The following BCL2L1 variants were observed in gnomAD, a reference collection of about 807,000 sequenced individuals.
BCL2L1 encodes BCL2 like 1, also known as bcl-2-like protein 1.
BCL2L1 carries 1 observed loss-of-function variant against 18.7 expected under a neutral mutation model. The ratio of observed to expected loss-of-function variants is 0.05; its 90% CI spans 0.02 to 0.25. The LOEUF (loss-of-function observed/expected upper bound fraction) is 0.25. Ranked by LOEUF, BCL2L1 falls within the 10% of genes least tolerant of loss-of-function variation. BCL2L1 has a pLI of 1.00. For missense variants in BCL2L1, 207 were observed against 304.9 expected (o/e 0.68, Z 2.39); for synonymous variants, 103 against 122.7 (o/e 0.84, Z 1.06).
chr20:31,672,231 G>A (rs1423567945), intron 2 of BCL2L1, among the ~76,000 whole-genome samples: 1 of 151,976 alleles, frequency 6.6e-6, no homozygotes, highest in African/African-American at 2.4e-5. Flanking sequence ...TTGGGAGGCC[G>A]AGGCAGGCAG....
At chr20:31,698,571 C>T (rs1017658040) in intron 2 of BCL2L1, among the ~76,000 whole-genome samples, 1 of 151,844 alleles carries the variant, frequency 6.6e-6, no homozygotes, top group African/African-American at 2.4e-5. Context: ...GACGGTCTCG[C>T]TTTGTCACCT....
chr20:31,683,494 C>T (rs2060898548), intron 2 of BCL2L1, among the ~76,000 whole-genome samples: 1 of 152,150 alleles, frequency 6.6e-6, no homozygotes, highest in Admixed American at 6.6e-5. Context: ...GATGGCCCGG[C>T]GCAGTGGCTC....
At chr20:31,708,746 G>C (rs1287664381) in intron 2 of BCL2L1, among the ~76,000 whole-genome samples, 1 of 152,178 alleles carries the variant, frequency 6.6e-6, no homozygotes, top group African/African-American at 2.4e-5. Context: ...GGAGCTGTGG[G>C]GCAGGGAAGG....
intron 2 of BCL2L1, among the ~76,000 whole-genome samples, chr20:31,691,370 T>G (rs1311048119): frequency 6.7e-6 from 1 of 149,084 alleles, no homozygotes. Context: ...AAAAATTAGC[T>G]GGGTGTGGTA....
At position 31,722,271 on chromosome 20, in the gene BCL2L1, T is replaced by C. The variant is rs551096141; in HGVS notation, c.-53A>G. The C allele has an allele frequency of 7.8e-6, 10 of 1,282,900 alleles. No individual in the cohort carries two copies. In the Admixed American group the frequency reaches 1.8e-4, roughly 23 times the overall value. The allele number at this position is 1,282,900 out of a possible 1,614,324, so 79.5% of individuals were successfully genotyped here. The stretch of plus-strand genomic sequence containing the variant: ...TCCATTGTCCAAAACACCTGCTCAC[T>C]CACTGAGTCTCGTCTCTGGTTAGTG... On this transcript the variant is annotated 5_prime_UTR_variant, in exon 2 of 3. Coordinates refer to ENST00000307677, the MANE Select transcript of BCL2L1 (RefSeq NM_138578.3).
At chr20:31,716,544 AG>A (rs2122822319) in intron 2 of BCL2L1, 1 of 152,302 alleles carries the variant, frequency 6.6e-6, no homozygotes, top group South Asian at 2.1e-4. Context: ...TTAGGTAAAT[AG>A]CCACTCCCAT....
In BCL2L1 at chr20:31,681,993, G is replaced by A. The variant is rs376012416; in HGVS notation, c.565-15907C>T. 4.3e-4 allele frequency among the ~76,000 whole-genome samples: 65 copies of A among 152,310 alleles called. 2 individuals are homozygous for A. In the East Asian group the frequency reaches 5.6e-3, roughly 13 times the overall value. On this transcript the variant is annotated intron_variant, in intron 2 of 2. Coordinates refer to ENST00000307677, the MANE Select transcript of BCL2L1 (RefSeq NM_138578.3). ...TTCCACTTTCAGCACACACATTACC[G>A]CCAGGCATATGCCAGGCCACAGAGT...
At position 31,722,099 on chromosome 20, in the gene BCL2L1, C is replaced by A; in HGVS notation, c.120G>T (p.Gly40=). ...TGGGGGTCTCCATCTCCGATTCAGT[C>A]CCTTCTGGGGCCTCAGTCCTGTTCT... ...VEENRTEAPE[G]TESEMETPSA... is the part of the protein sequence containing the mutation. The change falls in exon 2 of 3, where the codon GGG becomes GGT. Residue 40 remains glycine (G), a synonymous_variant. Transcript: ENST00000307677. 1 of 1,584,120 alleles carries A rather than the reference C, an allele frequency of 6.3e-7. No homozygotes were observed. The highest frequency in any genetic ancestry group is 1.2e-5 in the South Asian group (1 of 85,352).
chr20:31,668,713 T>G (rs1355143714), intron 2 of BCL2L1, among the ~76,000 whole-genome samples: 2 of 151,334 alleles, frequency 1.3e-5, no homozygotes, highest in African/African-American at 2.4e-5. Flanking sequence ...CAAGCGATTC[T>G]CCTGCCTCAG....
chr20:31,664,680 C>T lies in BCL2L1; in HGVS notation c.*1269G>A. The T allele has an allele frequency of 4.7e-6, 1 of 215,000 alleles. No individual in the cohort carries two copies. The highest frequency in any genetic ancestry group is 6.8e-5 in the East Asian group (1 of 14,778). The allele number at this position is 215,000 out of a possible 1,614,324, so 13.3% of individuals were successfully genotyped here. On this transcript the variant is annotated 3_prime_UTR_variant, in exon 3 of 3. Coordinates refer to ENST00000307677, the MANE Select transcript of BCL2L1 (RefSeq NM_138578.3). ...CACGTGCACGCGCACTGCAAGCCAGCAGCTCCTCACACATAAATACAGACA... is the reference window on the plus strand; with the variant it reads ...CACGTGCACGCGCACTGCAAGCCAGTAGCTCCTCACACATAAATACAGACA...
intron 2 of BCL2L1, among the ~76,000 whole-genome samples, chr20:31,694,864 G>T (rs541121872): frequency 2.0e-5 from 3 of 152,040 alleles, no homozygotes; most frequent in Non-Finnish European, 4.4e-5. Flanking sequence ...GAGCCCAGGA[G>T]TTCGAGACAA....
chr20:31,710,984 T>A (rs1221318196), intron 2 of BCL2L1, among the ~76,000 whole-genome samples: 3 of 152,314 alleles, frequency 2.0e-5, no homozygotes, highest in South Asian at 4.1e-4. Flanking sequence ...GGCTTTTGCA[T>A]CAGACACATC....
intron 2 of BCL2L1, 44 bp from the exon 3 acceptor site, chr20:31,666,130 G>A: frequency 1.6e-5 from 26 of 1,606,298 alleles, no homozygotes; most frequent in Non-Finnish European, 2.1e-5. Context: ...TCCTCAGAGA[G>A]TGATGTAGGT....
chr20:31,695,377 T>C (rs1164391673), intron 2 of BCL2L1, among the ~76,000 whole-genome samples: 1 of 152,260 alleles, frequency 6.6e-6, no homozygotes, highest in Non-Finnish European at 1.5e-5. Context: ...GTCTCAGACC[T>C]GATTCCTACC....
chr20:31,675,661 G>A (rs945367841), intron 2 of BCL2L1, among the ~76,000 whole-genome samples: 17 of 152,174 alleles, frequency 1.1e-4, no homozygotes, highest in African/African-American at 4.1e-4. Flanking sequence ...GTGGAGGCAG[G>A]GCAAAGAGAG....
intron 2 of BCL2L1, among the ~76,000 whole-genome samples, chr20:31,676,331 C>T (rs1337321354): frequency 6.6e-6 from 1 of 152,138 alleles, no homozygotes; most frequent in Non-Finnish European, 1.5e-5. Context: ...CTCCAGCTTA[C>T]AGATGAGGAA....
intron 2 of BCL2L1, among the ~76,000 whole-genome samples, chr20:31,671,897 A>G (rs1202105443): frequency 6.8e-6 from 1 of 147,978 alleles, no homozygotes; most frequent in African/African-American, 2.5e-5. Context: ...ATAGTACTGT[A>G]TATACTATAT....
At chr20:31,711,905 G>A (rs1010170799) in intron 2 of BCL2L1, among the ~76,000 whole-genome samples, 1 of 152,184 alleles carries the variant, frequency 6.6e-6, no homozygotes, top group Non-Finnish European at 1.5e-5. Flanking sequence ...AGTAGAGTGT[G>A]AATCCCAGCT....
At chr20:31,691,458 G>A (rs1044094578) in intron 2 of BCL2L1, among the ~76,000 whole-genome samples, 5 of 151,040 alleles carry the variant, frequency 3.3e-5, no homozygotes, top group East Asian at 3.9e-4. Flanking sequence ...AGGTTGCAAT[G>A]AGCCAAGACC....
Sources: gnomAD v4.1 joint callset for allele counts (sites outside exome capture counted in the v4.1 genomes callset) on GRCh38, gnomAD v4.1.1 for gene constraint, MANE v1.5 for transcripts, NCBI Gene and HGNC (gene_info 2026-07-23, HGNC 2026-07-21) for gene names.